Variants in DCLRE1C observed in about 807,000 individuals in gnomAD.
DCLRE1C encodes protein artemis.
In DCLRE1C, 47 loss-of-function variants were observed where a neutral mutation model predicts 61.4. The observed-to-expected ratio is 0.77, with a 90% confidence interval of 0.61 to 0.98. DCLRE1C has a LOEUF of 0.98. Ranked by LOEUF, DCLRE1C falls within the 50% of genes least tolerant of loss-of-function variation. DCLRE1C has a pLI of 0.00. For synonymous variants in DCLRE1C, 337 were observed against 287.6 expected (o/e 1.17, Z -1.74); for missense variants, 858 against 816.0 (o/e 1.05, Z -0.63).
At chr10:14,934,846 G>C (rs1308445485) in intron 6 of DCLRE1C, 71 bp from the exon 7 acceptor site, 4 of 1,128,634 alleles carry the variant, frequency 3.5e-6, no homozygotes, top group Non-Finnish European at 5.4e-6. Flanking sequence ...TTTGTTTTTT[G>C]AGATGGAGTT....
intron 2 of DCLRE1C, 102 bp from the exon 3 acceptor site, chr10:14,945,291 C>T: frequency 7.1e-7 from 1 of 1,404,608 alleles, no homozygotes; most frequent in Non-Finnish European, 9.7e-7. Context: ...TCATTTGAGA[C>T]CAGTCTGACC....
chr10:14,919,285 T>C (rs908724035), intron 13 of DCLRE1C, among the ~76,000 whole-genome samples: 3 of 152,166 alleles, frequency 2.0e-5, no homozygotes, highest in South Asian at 2.1e-4. Context: ...GTACAAAGTA[T>C]AGAGAAAAAT....
rs1406542763 is a variant in DCLRE1C, at chr10:14,934,438, T to C, written c.620A>G (p.Lys207Arg). ...SPYHVVWLNC[K>R]AAYGYEYLFT... ...CAGATATTCATAGCCATAAGCCGCT[T>C]TGCAGTTCAGCCACACAACATGGTA... Residue 207 changes from lysine to arginine, a missense_variant, in exon 8 of 14, where the codon AAA becomes AGA. Physicochemically the swap from Lys to Arg is conservative, Grantham distance 26. This residue lies in a region of DCLRE1C where 843 missense variants were observed against 783.5 expected (regional missense o/e 1.08). Coordinates refer to ENST00000378278, the MANE Select transcript of DCLRE1C (RefSeq NM_001033855.3). 1 of 1,614,080 alleles carries C rather than the reference T, an allele frequency of 6.2e-7. No individual in the cohort carries two copies. The highest frequency in any genetic ancestry group is 1.3e-5 in the African/African-American group (1 of 74,910).
chr10:14,908,910 T>A lies in DCLRE1C; in HGVS notation c.1577A>T (p.Asp526Val), dbSNP rs772512363. ...SQSPKLFSDS[D>V]GESTHISSQN... ...GGAGGAGATGTGAGTTGATTCTCCA[T>A]CAGAGTCACTGAAAAGCTTTGGTGA... is the stretch of plus-strand genomic sequence containing the variant. Residue 526 changes from aspartate (D) to valine (V), a missense_variant, in exon 14 of 14, where the codon GAT (aspartate) becomes GTT (valine). Asp to Val is a radical substitution (Grantham distance 152). Coordinates refer to ENST00000378278, the MANE Select transcript of DCLRE1C (RefSeq NM_001033855.3). 7.4e-6 allele frequency: 12 copies of A among 1,614,192 alleles called. No homozygotes were observed. In the South Asian group the frequency reaches 1.2e-4, roughly 16 times the overall value.
downstream of DCLRE1C, chr10:14,902,773 G>A: frequency 4.3e-6 from 1 of 233,348 alleles, no homozygotes; most frequent in Non-Finnish European, 8.4e-6. Flanking sequence ...CTTAGTATAT[G>A]TGTACTTAAG....
rs748189934 is a variant in DCLRE1C, at chr10:14,954,024, C to T, written c.-14G>A. 7 of 1,613,768 alleles carry T rather than the reference C, an allele frequency of 4.3e-6. No individual in the cohort carries two copies. The highest frequency in any genetic ancestry group is 3.3e-5 in the Admixed American group (2 of 59,998). ...GAAAGAACTCATAGCGCCGCCGATC[C>T]CAGAGTCCGGGACCCCAAAACCGCA... On this transcript the variant is annotated 5_prime_UTR_variant, in exon 1 of 14. Transcript: ENST00000378278.
At chr10:14,951,600 C>G (rs950146569) in intron 1 of DCLRE1C, among the ~76,000 whole-genome samples, 5 of 152,026 alleles carry the variant, frequency 3.3e-5, no homozygotes, top group Non-Finnish European at 5.9e-5. Flanking sequence ...TCTCACAGTT[C>G]AGGAAGCTGG....
intron 9 of DCLRE1C, among the ~76,000 whole-genome samples, chr10:14,932,577 AG>A (rs1839200262): frequency 6.6e-6 from 1 of 152,164 alleles, no homozygotes; most frequent in African/African-American, 2.4e-5. Context: ...CGGAGCTTGC[AG>A]TGAGCCTAGA....
intron 1 of DCLRE1C, among the ~76,000 whole-genome samples, chr10:14,949,302 A>G (rs1394219275): frequency 6.6e-6 from 1 of 152,202 alleles, no homozygotes; most frequent in Non-Finnish European, 1.5e-5. Flanking sequence ...ATCCAAGTCA[A>G]TTTAAAAGGA....
chr10:14,901,045 T>C, downstream of DCLRE1C: 1 of 1,506,054 alleles, frequency 6.6e-7, no homozygotes, highest in Non-Finnish European at 8.9e-7. Context: ...TTAAACTAAA[T>C]CTCTAGGAAA....
intron 12 of DCLRE1C, among the ~76,000 whole-genome samples, chr10:14,921,027 C>T (rs192000448): frequency 2.0e-5 from 3 of 148,348 alleles, no homozygotes; most frequent in East Asian, 4.1e-4. Flanking sequence ...TGCATTTTAA[C>T]AAGCACCTCG....
intron 2 of DCLRE1C, among the ~76,000 whole-genome samples, chr10:14,946,483 T>G (rs1841709184): frequency 6.6e-6 from 1 of 152,208 alleles, no homozygotes; most frequent in African/African-American, 2.4e-5. Context: ...TCCCTCCCCT[T>G]GAACCTGGGC....
chr10:14,937,578 C>T (rs1415744447), intron 4 of DCLRE1C, among the ~76,000 whole-genome samples: 1 of 152,066 alleles, frequency 6.6e-6, no homozygotes, highest in Non-Finnish European at 1.5e-5. Flanking sequence ...GCCACCAAGC[C>T]CGGCCACTAT....
In DCLRE1C at chr10:14,906,033, G is replaced by A. The variant is rs758451218; in HGVS notation, c.*2375C>T. Among the ~76,000 whole-genome samples, 4 of 152,144 alleles carry A rather than the reference G, an allele frequency of 2.6e-5. No individual in the cohort carries two copies. The highest frequency in any genetic ancestry group is 4.8e-5 in the African/African-American group (2 of 41,430). ...TTTCCTCTTGTGGTTTATGATTCTT[G>A]ACGTAAAAACCAAGTAGCTGCTACA... On this transcript the variant is annotated 3_prime_UTR_variant, in exon 14 of 14. Transcript: ENST00000378278.
intron 9 of DCLRE1C, among the ~76,000 whole-genome samples, chr10:14,931,831 G>A (rs1839045963): frequency 6.6e-6 from 1 of 152,132 alleles, no homozygotes; most frequent in African/African-American, 2.4e-5. Context: ...TTGAGATCAG[G>A]AGTTCAAGAC....
At position 14,954,073 on chromosome 10, in the gene DCLRE1C, C is replaced by A; in HGVS notation, c.-63G>T. The A allele has an allele frequency of 6.2e-7, 1 of 1,605,786 alleles. No individual in the cohort carries two copies. On this transcript the variant is annotated 5_prime_UTR_variant, in exon 1 of 14. Transcript: ENST00000378278. ...CAGCTGAAGCCAAGGCCAGCCCTGACCGCGCCGCCACTTCCGGGAAGCCGC... is the reference window on the plus strand; with the variant it reads ...CAGCTGAAGCCAAGGCCAGCCCTGAACGCGCCGCCACTTCCGGGAAGCCGC...
intron 9 of DCLRE1C, among the ~76,000 whole-genome samples, chr10:14,931,634 G>C (rs1839009839): frequency 6.6e-6 from 1 of 152,112 alleles, no homozygotes; most frequent in Non-Finnish European, 1.5e-5. Flanking sequence ...ACATCCATTA[G>C]AAATAGGACC....
chr10:14,946,768 C>G (rs1259933032), intron 2 of DCLRE1C, among the ~76,000 whole-genome samples: 1 of 152,046 alleles, frequency 6.6e-6, no homozygotes, highest in South Asian at 2.1e-4. Context: ...CAGCACATGC[C>G]ACCACACCTG....
chr10:14,899,117 C>A, exon 14 of DCLRE1C: 1 of 652,416 alleles, frequency 1.5e-6, no homozygotes, highest in East Asian at 2.7e-5. Context: ...CCCAGGAGTT[C>A]CAGACCAGTG....
Sources: gnomAD v4.1 joint callset for allele counts (sites outside exome capture counted in the v4.1 genomes callset) on GRCh38, gnomAD v4.1.1 for gene constraint, gnomAD v4.1.1 regional missense constraint, MANE v1.5 for transcripts, NCBI Gene and HGNC (gene_info 2026-07-23, HGNC 2026-07-21) for gene names.